CAPN2: variants seen among roughly 807,000 people sequenced by gnomAD.
The protein encoded by CAPN2 is calpain 2.
A neutral mutation model predicts 102.3 loss-of-function variants in CAPN2; 92 were observed. The ratio of observed to expected loss-of-function variants is 0.90; its 90% CI spans 0.76 to 1.07. The LOEUF (loss-of-function observed/expected upper bound fraction) is 1.07, where lower values mean the gene tolerates loss of function less well. Ranked by LOEUF, CAPN2 falls within the 50% of genes least tolerant of loss-of-function variation. The pLI, the probability that CAPN2 is intolerant of heterozygous loss-of-function variation, is 0.00. For missense variants in CAPN2, 800 were observed against 909.4 expected, an observed-to-expected ratio of 0.88 and a Z score of 1.55; for synonymous variants, 340 against 355.4, an observed-to-expected ratio of 0.96 and a Z score of 0.49.
At chr1:223,733,560 T>C (rs567482712) in intron 2 of CAPN2, among the ~76,000 whole-genome samples, 7 of 152,040 alleles carry the variant, frequency 4.6e-5, no homozygotes, top group African/African-American at 1.7e-4. Context: ...TCTGGGTGGG[T>C]TGGAGTGGAA....
chr1:223,720,628 T>C (rs1660027305), intron 2 of CAPN2, among the ~76,000 whole-genome samples: 1 of 152,196 alleles, frequency 6.6e-6, no homozygotes. Context: ...AGATCATTCT[T>C]TTATTACACA....
intron 5 of CAPN2, among the ~76,000 whole-genome samples, chr1:223,748,631 A>G (rs895951752): frequency 1.3e-5 from 2 of 152,052 alleles, no homozygotes; most frequent in African/African-American, 2.4e-5. Flanking sequence ...CTGTCTGGGT[A>G]TCAGCCCTGC....
rs28370095 is a variant in CAPN2 at position 223,755,659 on chromosome 1, G to A, written c.1305+10G>A. Reference sequence around the variant, plus strand: ...CTTTGGCATCTATGAGGTGCAGAGCGCAGGGGCTCCTGCCCTCCCTTCCCC... The same window carrying A: ...CTTTGGCATCTATGAGGTGCAGAGCACAGGGGCTCCTGCCCTCCCTTCCCC... On this transcript the variant is annotated intron_variant, in intron 10 of 20. Transcript: ENST00000295006. The surrounding 1 kb of genome is among the most constrained non-coding windows in gnomAD (Gnocchi z 4.1). 5,168 of 1,557,752 alleles carry A rather than the reference G, an allele frequency of 3.3e-3. 214 individuals are homozygous for A. In the East Asian group the frequency reaches 0.091, roughly 27 times the overall value.
Position 223,747,047 on chromosome 1 carries a change from T to C in CAPN2, c.611T>C (p.Phe204Ser). ...ALSGGATTEG[F>S]EDFTGGIAEW... is the part of the protein sequence containing the mutation. ...TCAGGGGGTGCCACCACTGAGGGCTTCGAAGACTTCACCGGAGGCATTGCT... is the reference window on the plus strand; with the variant it reads ...TCAGGGGGTGCCACCACTGAGGGCTCCGAAGACTTCACCGGAGGCATTGCT... Residue 204 changes from phenylalanine (F) to serine (S), a missense_variant, in exon 5 of 21, where the codon TTC (phenylalanine) becomes TCC (serine). By Grantham distance (155) the Phe-to-Ser change is radical (BLOSUM62 -2). Transcript: ENST00000295006. The C allele has an allele frequency of 6.2e-7, 1 of 1,614,086 alleles. No homozygotes were observed. Among genetic ancestry groups the C allele is most frequent in the Non-Finnish European group, 8.5e-7 (1 of 1,179,990 alleles).
rs1189275191 is a variant in CAPN2, at chr1:223,745,453, C to T, written c.560+14C>T. ...GGCATACGCCAAGTAAGTTGCCATCCTCCCCTGGCCCCATGGCCTTCCCCC... is the reference window on the plus strand; with the variant it reads ...GGCATACGCCAAGTAAGTTGCCATCTTCCCCTGGCCCCATGGCCTTCCCCC... On this transcript the variant is annotated intron_variant, in intron 4 of 20. Transcript: ENST00000295006. The T allele has an allele frequency of 6.2e-7, 1 of 1,614,106 alleles. No homozygotes were observed. The highest frequency in any genetic ancestry group is 8.5e-7 in the Non-Finnish European group (1 of 1,179,980).
intron 2 of CAPN2, among the ~76,000 whole-genome samples, chr1:223,730,627 T>G (rs904406541): frequency 1.3e-5 from 2 of 151,916 alleles, no homozygotes; most frequent in African/African-American, 4.8e-5. Context: ...CTAGGAAGAG[T>G]CTGTTTTGTG....
In CAPN2 at chr1:223,754,607, TC is replaced by T. The variant is rs1322502947; in HGVS notation, c.1136-870del. ...CTGTAATTTCACAGTTAGGGTTTTATCCCATTAGGTATGGAAAGGCAATTAG... is the reference window on the plus strand; with the variant it reads ...CTGTAATTTCACAGTTAGGGTTTTATCCATTAGGTATGGAAAGGCAATTAG... On this transcript the variant is annotated intron_variant, in intron 9 of 20. Transcript: ENST00000295006. This position sits in a 1 kb window ranked among gnomAD's most constrained non-coding sequence, Gnocchi z 4.7. 2.0e-5 allele frequency among the ~76,000 whole-genome samples: 3 copies of T among 152,178 alleles called. No individual in the cohort carries two copies. Among genetic ancestry groups the T allele is most frequent in the Non-Finnish European group, 4.4e-5 (3 of 68,030 alleles).
intron 18 of CAPN2, chr1:223,771,575 C>CACTT: frequency 2.1e-6 from 1 of 478,448 alleles, no homozygotes; most frequent in Non-Finnish European, 3.7e-6. Flanking sequence ...GGCAAGAAAA[C>CACTT]ACTTATGTGT....
chr1:223,733,039 C>T (rs1660370079), intron 2 of CAPN2, among the ~76,000 whole-genome samples: 1 of 152,178 alleles, frequency 6.6e-6, no homozygotes, highest in African/African-American at 2.4e-5. Context: ...TGTTTTACTT[C>T]ACCAAGCGCA....
intron 11 of CAPN2, 93 bp downstream of exon 11, chr1:223,757,473 A>C: frequency 7.1e-7 from 1 of 1,413,258 alleles, no homozygotes; most frequent in Non-Finnish European, 1.0e-6. Flanking sequence ...AAGCCCGGGC[A>C]GGGGCTGGTG....
At chr1:223,737,712 GGT>G (rs199807920) in intron 2 of CAPN2, among the ~76,000 whole-genome samples, 2,639 of 27,052 alleles carry the variant, frequency 0.098, 369 homozygotes, top group South Asian at 0.19. Context: ...CGGGGCGGGG[GGT>G]GGGGGGGAGA....
At chr1:223,709,552 C>T (rs1424540027), upstream of CAPN2, among the ~76,000 whole-genome samples, 2 of 151,584 alleles carry the variant, frequency 1.3e-5, no homozygotes, top group Non-Finnish European at 2.9e-5. Context: ...CCCAACTACT[C>T]GGGAGGCTGA....
intron 2 of CAPN2, among the ~76,000 whole-genome samples, chr1:223,733,629 G>T (rs183900845): frequency 6.6e-6 from 1 of 152,226 alleles, no homozygotes; most frequent in African/African-American, 2.4e-5. Flanking sequence ...AGCCCTGCTG[G>T]GGGCAGTGAA....
At chr1:223,723,574 T>C (rs911963326) in intron 2 of CAPN2, among the ~76,000 whole-genome samples, 4 of 152,126 alleles carry the variant, frequency 2.6e-5, no homozygotes, top group Non-Finnish European at 4.4e-5. Flanking sequence ...CCCTTGTGGC[T>C]GCCGTCCACA....
intron 3 of CAPN2, among the ~76,000 whole-genome samples, chr1:223,744,508 T>C (rs1037304826): frequency 6.6e-6 from 1 of 152,090 alleles, no homozygotes; most frequent in Non-Finnish European, 1.5e-5. Flanking sequence ...TATTATTTGA[T>C]GTTTGAGACA....
In CAPN2 at chr1:223,725,362, A is replaced by T. The variant is rs1258578569; in HGVS notation, c.307+7531A>T. On this transcript the variant is annotated intron_variant, in intron 2 of 20. Transcript: ENST00000295006. This position sits in a 1 kb window ranked among gnomAD's most constrained non-coding sequence, Gnocchi z 4.1. ...CGCACCACTGCACTCCATCCTGGGCAATAGAGCGAGACTTCATCTCAAAAA... is the reference window on the plus strand; with the variant it reads ...CGCACCACTGCACTCCATCCTGGGCTATAGAGCGAGACTTCATCTCAAAAA... 6.6e-6 allele frequency among the ~76,000 whole-genome samples: 1 copy of T among 152,084 alleles called. No homozygotes were observed. Among genetic ancestry groups the T allele is most frequent in the East Asian group, 1.9e-4 (1 of 5,188 alleles).
Position 223,750,963 on chromosome 1 carries a change from G to A in CAPN2, c.887G>A (p.Arg296Gln), listed in dbSNP as rs146546882. ...NPWGEVEWTG[R>Q]WNDNCPSWNT... ...TGGGGAGAAGTGGAGTGGACAGGGC[G>A]GTGGAATGACAAGTGAGGAGGGCGC... Residue 296 changes from arginine to glutamine, a missense_variant, in exon 7 of 21, where the codon CGG (arginine) becomes CAG (glutamine). Physicochemically the swap from Arg to Gln is conservative, Grantham distance 43. Coordinates refer to ENST00000295006, the MANE Select transcript of CAPN2 (RefSeq NM_001748.5). The A allele has an allele frequency of 1.5e-4, 230 of 1,552,070 alleles. 1 individual carries two copies. The African/African-American group carries it at 2.0e-3, about 13-fold the overall frequency.
Position 223,744,167 on chromosome 1 carries a change from C to T in CAPN2, c.375C>T (p.Val125=), listed in dbSNP as rs781690667. ...TLNEEILARV[V]PLNQSFQENY... ...ATGAAGAAATCCTGGCTCGAGTCGT[C>T]CCCCTAAACCAGAGCTTCCAGGAAA... is the stretch of plus-strand genomic sequence containing the variant. Residue 125 remains valine (V), a synonymous_variant, in exon 3 of 21, where the codon GTC becomes GTT. Transcript: ENST00000295006. 60 of 1,614,028 alleles carry T rather than the reference C, an allele frequency of 3.7e-5. 1 individual carries two copies. The highest frequency in any genetic ancestry group is 3.3e-4 in the Middle Eastern group (2 of 6,082).
intron 2 of CAPN2, among the ~76,000 whole-genome samples, chr1:223,743,349 G>A (rs1031063761): frequency 2.0e-5 from 3 of 152,126 alleles, no homozygotes; most frequent in Admixed American, 6.5e-5. Flanking sequence ...GCACTGCTCC[G>A]TACTTACTTC....
Sources: allele counts gnomAD v4.1 joint callset (sites outside exome capture counted in the v4.1 genomes callset), GRCh38; gene constraint gnomAD v4.1.1; non-coding constraint Gnocchi (gnomAD v3.1); transcripts MANE v1.5; gene names NCBI Gene and HGNC (gene_info 2026-07-23, HGNC 2026-07-21).